CELF2: variants seen among roughly 807,000 people sequenced by gnomAD.
CELF2 encodes CUG triplet repeat RNA-binding protein 2.
In CELF2, 8 loss-of-function variants were observed where a neutral mutation model predicts 62.6. That is an observed-to-expected ratio of 0.13 (90% CI 0.07 to 0.23). The LOEUF is 0.23. Ranked by LOEUF, CELF2 falls within the 10% of genes least tolerant of loss-of-function variation. The pLI is 1.00. For missense variants in CELF2, 333 were observed against 671.0 expected, an observed-to-expected ratio of 0.50 and a Z score of 5.56; for synonymous variants, 258 against 250.0, an observed-to-expected ratio of 1.03 and a Z score of -0.30.
intron 1 of CELF2, among the ~76,000 whole-genome samples, chr10:10,898,341 G>A (rs1322662051): frequency 2.6e-5 from 4 of 152,224 alleles, no homozygotes; most frequent in Non-Finnish European, 5.9e-5. Context: ...CCAATACCTT[G>A]ATTTTGGACT....
chr10:11,260,871 C>G lies in CELF2; in HGVS notation c.538+2999C>G, dbSNP rs2080327187. ...CAGTGTATTTGTTAAAAGCACAATT[C>G]TCTTTCATGCTACCATTTTGCTTTC... is the stretch of plus-strand genomic sequence containing the variant. On this transcript the variant is annotated intron_variant, in intron 5 of 12. Transcript: ENST00000633077. This position sits in a 1 kb window ranked among gnomAD's most constrained non-coding sequence, Gnocchi z 4.2. Among the ~76,000 whole-genome samples the G allele has an allele frequency of 6.6e-6, 1 of 152,176 alleles. No individual in the cohort carries two copies. The highest frequency in any genetic ancestry group is 1.5e-5 in the Non-Finnish European group (1 of 68,036).
chr10:10,595,705 G>C, the CELF2 span, among the ~76,000 whole-genome samples: 1 of 152,042 alleles, frequency 6.6e-6, no homozygotes, highest in Non-Finnish European at 1.5e-5. Flanking sequence ...ATTAAAAGTA[G>C]GTATAATGGT....
At chr10:10,831,078 C>T (rs1411862330) in intron 1 of CELF2, among the ~76,000 whole-genome samples, 1 of 152,164 alleles carries the variant, frequency 6.6e-6, no homozygotes, top group Non-Finnish European at 1.5e-5. Flanking sequence ...TGGAAATGGG[C>T]AATGGTGGAA....
chr10:10,472,099 G>C, the CELF2 span, among the ~76,000 whole-genome samples: 1 of 151,648 alleles, frequency 6.6e-6, no homozygotes, highest in Non-Finnish European at 1.5e-5. Context: ...AGTTCTGTTT[G>C]ACATTCATTA....
At chr10:11,095,492 A>G (rs567815282) in intron 1 of CELF2, among the ~76,000 whole-genome samples, 1 of 152,320 alleles carries the variant, frequency 6.6e-6, no homozygotes, top group East Asian at 1.9e-4. Context: ...TGGAGCTAAG[A>G]TGAAGCTAAG....
At chr10:10,569,625 A>G in the CELF2 span, among the ~76,000 whole-genome samples, 1 of 152,190 alleles carries the variant, frequency 6.6e-6, no homozygotes, top group Non-Finnish European at 1.5e-5. Flanking sequence ...AGAAGAAACA[A>G]AAAGCACCCT....
At chr10:10,888,613 A>C (rs139932732) in intron 1 of CELF2, among the ~76,000 whole-genome samples, 2 of 152,188 alleles carry the variant, frequency 1.3e-5, no homozygotes, top group African/African-American at 2.4e-5. Context: ...GTGTTCCGTG[A>C]GCCTAGGGCT....
rs2096089687 is a variant in CELF2, at chr10:11,334,850, C to T, written c.*5797C>T. 6.6e-6 allele frequency: 1 copy of T among 152,194 alleles called. No homozygotes were observed. Among genetic ancestry groups the T allele is most frequent in the Non-Finnish European group, 1.5e-5 (1 of 68,028 alleles). The allele number at this position is 152,194 out of a possible 1,614,324, so 9.4% of individuals were successfully genotyped here. On this transcript the variant is annotated 3_prime_UTR_variant, in exon 13 of 13. Transcript: ENST00000633077. ...GAGTTCTCCAGGGAAGAAAAATCAA[C>T]TTAGCCAGTGAAAAGGGTTAAACTT...
chr10:11,069,531 C>G lies in CELF2; in HGVS notation c.74+51368C>G, dbSNP rs540488209. Reference sequence around the variant, plus strand: ...TACTTCATCATGCAACATTTTGCAGCAAAAACCTGGAGCATTCTGTTTTTG... The same window carrying G: ...TACTTCATCATGCAACATTTTGCAGGAAAAACCTGGAGCATTCTGTTTTTG... On this transcript the variant is annotated intron_variant, in intron 1 of 12. Coordinates refer to ENST00000633077, the MANE Select transcript of CELF2 (RefSeq NM_001326342.2). Among the ~76,000 whole-genome samples the G allele has an allele frequency of 2.0e-5, 3 of 152,286 alleles. No individual in the cohort carries two copies. The South Asian group carries it at 6.2e-4, about 32-fold the overall frequency.
At chr10:11,059,735 AG>A (rs1554808801) in intron 1 of CELF2, among the ~76,000 whole-genome samples, 1 of 152,208 alleles carries the variant, frequency 6.6e-6, no homozygotes, top group Non-Finnish European at 1.5e-5. Context: ...GCGCAGCCTC[AG>A]GCACTGGAAG....
chr10:10,877,153 A>C (rs1367570761), intron 1 of CELF2, among the ~76,000 whole-genome samples: 1 of 152,256 alleles, frequency 6.6e-6, no homozygotes, highest in African/African-American at 2.4e-5. Flanking sequence ...GCAGTAATTC[A>C]ACTTTCCTTC....
At chr10:10,910,343 G>A (rs1363657234) in intron 1 of CELF2, among the ~76,000 whole-genome samples, 1 of 151,860 alleles carries the variant, frequency 6.6e-6, no homozygotes, top group African/African-American at 2.4e-5. Flanking sequence ...CATATGATTT[G>A]AAAAAAATAC....
At chr10:10,599,615 A>C in the CELF2 span, among the ~76,000 whole-genome samples, 1 of 152,178 alleles carries the variant, frequency 6.6e-6, no homozygotes, top group Non-Finnish European at 1.5e-5. Context: ...AATACGCCTT[A>C]AAAGAGTGAA....
chr10:11,136,989 CTT>C (rs1005233039), intron 1 of CELF2, among the ~76,000 whole-genome samples: 1 of 152,064 alleles, frequency 6.6e-6, no homozygotes, highest in African/African-American at 2.4e-5. Context: ...TTAAAATAAG[CTT>C]TTTTTCTTTT....
At position 11,328,913 on chromosome 10, in the gene CELF2, C is replaced by T. The variant is rs768849392; in HGVS notation, c.1439-13C>T. ...TCCTCTCCAGGCTGACTCCCTCTCT[C>T]GGTATTTTCCAGGTTTTGTTAGCTA... On this transcript the variant is annotated splice_polypyrimidine_tract_variant and intron_variant, in intron 12 of 12. Transcript: ENST00000633077. This position sits in a 1 kb window ranked among gnomAD's most constrained non-coding sequence, Gnocchi z 6.4. 3.1e-6 allele frequency: 5 copies of T among 1,605,206 alleles called. No homozygotes were observed. Among genetic ancestry groups the T allele is most frequent in the Admixed American group, 1.7e-5 (1 of 59,574 alleles).
rs1235939385 is a variant in CELF2 at position 10,910,553 on chromosome 10, A to G, written c.54-9411A>G. Among the ~76,000 whole-genome samples, 5 of 152,066 alleles carry G rather than the reference A, an allele frequency of 3.3e-5. No individual in the cohort carries two copies. In the East Asian group the frequency reaches 9.7e-4, roughly 29 times the overall value. On this transcript the variant is annotated intron_variant, in intron 1 of 13. Coordinates refer to the CELF2 transcript ENST00000636488. ...ATACTAAAAAATACAAAAATTAGCC[A>G]GGCATGGTGGCATGCTTCTGTCATC...
chr10:10,520,252 A>G, the CELF2 span, among the ~76,000 whole-genome samples: 1 of 152,238 alleles, frequency 6.6e-6, no homozygotes, highest in Non-Finnish European at 1.5e-5. Context: ...AAGAGCTGCT[A>G]TGAAAGACCC....
chr10:11,235,958 T>C (rs2071100227), intron 3 of CELF2, among the ~76,000 whole-genome samples: 1 of 152,186 alleles, frequency 6.6e-6, no homozygotes, highest in African/African-American at 2.4e-5. Flanking sequence ...GGTAAATGAA[T>C]GGAAAAAGAT....
intron 1 of CELF2, among the ~76,000 whole-genome samples, chr10:10,854,744 T>C (rs1319761227): frequency 6.6e-6 from 1 of 152,054 alleles, no homozygotes; most frequent in African/African-American, 2.4e-5. Flanking sequence ...TGTCTTGTGG[T>C]AAACTAATTG....
Sources: allele counts gnomAD v4.1 joint callset (sites outside exome capture counted in the v4.1 genomes callset), GRCh38; gene constraint gnomAD v4.1.1; non-coding constraint Gnocchi (gnomAD v3.1); transcripts MANE v1.5; gene names NCBI Gene and HGNC (gene_info 2026-07-23, HGNC 2026-07-21).